The following ZNF449 variants were observed in gnomAD, a reference collection of about 807,000 sequenced individuals.
ZNF449 encodes the protein zinc finger protein 449.
Under a neutral mutation model 32.6 loss-of-function variants are expected in ZNF449, and 4 were observed. The observed-to-expected ratio is 0.12, with a 90% CI of 0.06 to 0.28. The LOEUF (loss-of-function observed/expected upper bound fraction) is 0.28, where lower values mean the gene tolerates loss of function less well. Among genes scored for constraint, ZNF449 ranks in the 10% least tolerant of loss-of-function variants. The probability of loss-of-function intolerance (pLI) is 1.00; values close to 1 mark genes in which losing one functional copy is unlikely to be tolerated. For missense variants in ZNF449, 275 were observed against 383.2 expected (o/e 0.72, Z 2.36); for synonymous variants, 123 against 132.2 (o/e 0.93, Z 0.48).
chrX:135,355,390 TG>T (rs1243215744), intron 3 of ZNF449, among the ~76,000 whole-genome samples: 3 of 110,337 alleles, frequency 2.7e-5, no homozygotes, highest in African/African-American at 6.6e-5. Flanking sequence ...TCTGTTTTTT[TG>T]GGGGGGCCTC....
At position 135,361,185 on chromosome X, in the gene ZNF449, A is replaced by G. The variant is rs936715704; in HGVS notation, c.*109A>G. 7.1e-5 allele frequency: 49 copies of G among 690,118 alleles called. No individual in the cohort carries two copies. The highest frequency in any genetic ancestry group is 3.8e-4 in the Middle Eastern group (1 of 2,653). The allele number at this position is 690,118 out of a possible 1,213,427, so 56.9% of individuals were successfully genotyped here. ...AGCTTTTGTTTGAGCTTATAAGAAC[A>G]TAGACAGCTTTTTTTTTTACTAGTT... On this transcript the variant is annotated 3_prime_UTR_variant, in exon 5 of 5. Transcript: ENST00000339249.
chrX:135,356,338 A>T (rs1364188920), intron 3 of ZNF449, among the ~76,000 whole-genome samples: 3 of 111,207 alleles, frequency 2.7e-5, no homozygotes, highest in Non-Finnish European at 5.7e-5. Context: ...TATTATTATT[A>T]TTTGACATTT....
intron 1 of ZNF449, among the ~76,000 whole-genome samples, chrX:135,345,250 G>A (rs1556447633): frequency 8.9e-6 from 1 of 112,933 alleles, no homozygotes; most frequent in South Asian, 3.6e-4. Flanking sequence ...CCTACGAGAA[G>A]GTTTGGAGAG....
Position 135,361,072 on chromosome X carries a change from T to C in ZNF449, c.1553T>C (p.Ile518Thr). 1 of 1,157,635 alleles carries C rather than the reference T, an allele frequency of 8.6e-7. No individual in the cohort carries two copies. The highest frequency in any genetic ancestry group is 1.1e-6 in the Non-Finnish European group (1 of 872,227). Residue 518 changes from isoleucine (I) to threonine (T), a missense_variant, in exon 5 of 5, where the codon ATT (isoleucine) becomes ACT (threonine). Physicochemically the swap from Ile to Thr is moderately conservative, Grantham distance 89. Transcript: ENST00000339249. Reference sequence around the variant, plus strand: ...CAGGTCACTCACTTTAGAGGACTTATTTAAGAATTGCTAAGGGAAACAGGT... The same window carrying C: ...CAGGTCACTCACTTTAGAGGACTTACTTAAGAATTGCTAAGGGAAACAGGT... ...MHQVTHFRGL[I>T]
intron 3 of ZNF449, among the ~76,000 whole-genome samples, chrX:135,356,052 T>A (rs782377257): frequency 8.9e-6 from 1 of 112,155 alleles, no homozygotes; most frequent in East Asian, 2.8e-4. Flanking sequence ...CACATTTTGT[T>A]TATTCATTCA....
At chrX:135,355,387 T>A (rs781796572) in intron 3 of ZNF449, among the ~76,000 whole-genome samples, 22 of 110,538 alleles carry the variant, frequency 2.0e-4, no homozygotes, top group South Asian at 1.9e-3. Context: ...ATTTCTGTTT[T>A]TTTGGGGGGG....
chrX:135,351,658 TAAA>T (rs782046147), intron 3 of ZNF449, among the ~76,000 whole-genome samples: 1,461 of 49,444 alleles, frequency 0.03, 24 homozygotes, highest in African/African-American at 0.096. Flanking sequence ...TGAGGAATTC[TAAA>T]AAAAAAAAAA....
At chrX:135,357,468 T>C (rs1174973311) in intron 3 of ZNF449, among the ~76,000 whole-genome samples, 2 of 111,477 alleles carry the variant, frequency 1.8e-5, no homozygotes, top group African/African-American at 6.5e-5. Flanking sequence ...TATGGATTTA[T>C]TGCTAGATTC....
At chrX:135,346,730 A>G (rs992805084) in intron 1 of ZNF449, among the ~76,000 whole-genome samples, 6 of 112,001 alleles carry the variant, frequency 5.4e-5, no homozygotes, top group Non-Finnish European at 1.1e-4. Context: ...AAAGTGTCAC[A>G]TGGGGCTGTT....
At chrX:135,359,518 A>G (rs1201366018) in intron 3 of ZNF449, among the ~76,000 whole-genome samples, 1 of 111,423 alleles carries the variant, frequency 9.0e-6, no homozygotes, top group Non-Finnish European at 1.9e-5. Flanking sequence ...CTCTTTCTTC[A>G]TTTGGCACTC....
At chrX:135,354,402 A>G (rs1473308732) in intron 3 of ZNF449, among the ~76,000 whole-genome samples, 1 of 112,545 alleles carries the variant, frequency 8.9e-6, no homozygotes, top group Non-Finnish European at 1.9e-5. Flanking sequence ...AAGGTGAGAC[A>G]TGGGTCAAAA....
chrX:135,346,025 G>A (rs1287364048), intron 1 of ZNF449, among the ~76,000 whole-genome samples: 2 of 111,957 alleles, frequency 1.8e-5, no homozygotes, highest in African/African-American at 6.5e-5. Context: ...TTTACCATGT[G>A]ACCTTAGACA....
chrX:135,348,910 T>A (rs1395604122), intron 2 of ZNF449, 200 bp from the exon 3 acceptor site: 3 of 917,472 alleles, frequency 3.3e-6, no homozygotes, highest in South Asian at 2.5e-5. Flanking sequence ...CACTAATAAT[T>A]GTTCATATTG....
At position 135,360,476 on chromosome X, in the gene ZNF449, A is replaced by G. The variant is rs2084941026; in HGVS notation, c.957A>G (p.Gly319=). ...AACCCCACAAGAAAAAGAGTCCAGG[A>G]GAGAAACCTCACCGATGTCCTCAGT... is the stretch of plus-strand genomic sequence containing the variant. ...NPKPHKKKSP[G]EKPHRCPQCG... The change falls in exon 5 of 5, where the codon GGA becomes GGG. Residue 319 remains glycine, a synonymous_variant. Coordinates refer to ENST00000339249, the MANE Select transcript of ZNF449 (RefSeq NM_152695.6). 5 of 1,209,904 alleles carry G rather than the reference A, an allele frequency of 4.1e-6. No individual in the cohort carries two copies. The highest frequency in any genetic ancestry group is 5.6e-6 in the Non-Finnish European group (5 of 895,127).
At position 135,350,711 on chromosome X, in the gene ZNF449, G is replaced by A. The variant is rs181930892; in HGVS notation, c.559+1397G>A. 2.1e-4 allele frequency among the ~76,000 whole-genome samples: 24 copies of A among 111,990 alleles called. No homozygotes were observed. The East Asian group carries it at 5.9e-3, about 28-fold the overall frequency. ...TTCAGTGGACAATTCAGATATGTTA[G>A]TAGGACGTTTTGTCCTGTATGTAAC... On this transcript the variant is annotated intron_variant, in intron 3 of 4. Transcript: ENST00000339249.
chrX:135,357,060 G>A (rs1050235325), intron 3 of ZNF449, among the ~76,000 whole-genome samples: 3 of 111,447 alleles, frequency 2.7e-5, no homozygotes, highest in Non-Finnish European at 5.7e-5. Flanking sequence ...ATGATTTGCC[G>A]GTATTTTCTC....
intron 3 of ZNF449, among the ~76,000 whole-genome samples, chrX:135,349,854 C>T (rs1214678868): frequency 3.6e-5 from 4 of 111,817 alleles, no homozygotes; most frequent in Non-Finnish European, 7.5e-5. Context: ...GCAAGCTCTG[C>T]AGGTGAGTGC....
chrX:135,361,359 T>A lies in ZNF449; in HGVS notation c.*283T>A, dbSNP rs2084946515. 1 of 235,273 alleles carries A rather than the reference T, an allele frequency of 4.3e-6. No homozygotes were observed. Among genetic ancestry groups the A allele is most frequent in the African/African-American group, 2.9e-5 (1 of 34,709 alleles). 19.4% of individuals were successfully genotyped at this position (235,273 alleles called of 1,213,427 possible). On this transcript the variant is annotated 3_prime_UTR_variant, in exon 5 of 5. Coordinates refer to ENST00000339249, the MANE Select transcript of ZNF449 (RefSeq NM_152695.6). ...TTCCAAGGCAACTGTATCATAGGTG[T>A]AAACATAAAGCATATAAATTATGAC...
At chrX:135,345,179 G>A (rs2084834204) in intron 1 of ZNF449, among the ~76,000 whole-genome samples, 1 of 112,889 alleles carries the variant, frequency 8.9e-6, no homozygotes, top group African/African-American at 3.2e-5. Context: ...CACTCTTGCC[G>A]TTCCTCAAGT....
Sources: gnomAD v4.1 joint callset for allele counts (sites outside exome capture counted in the v4.1 genomes callset) on GRCh38, gnomAD v4.1.1 for gene constraint, MANE v1.5 for transcripts, NCBI Gene and HGNC (gene_info 2026-07-23, HGNC 2026-07-21) for gene names.